KANK1: variants seen among roughly 807,000 people sequenced by gnomAD.
The protein encoded by KANK1 is KN motif and ankyrin repeat domain-containing protein 1.
Under a neutral mutation model 106.2 loss-of-function variants are expected in KANK1, and 109 were observed. The ratio of observed to expected loss-of-function variants is 1.03; its 90% confidence interval spans 0.88 to 1.20. KANK1 has a LOEUF of 1.20. Ranked by LOEUF, KANK1 falls within the 50% of genes most tolerant of loss-of-function variation. KANK1 has a pLI of 0.00. For missense variants in KANK1, 2,399 were observed against 1,710.7 expected (o/e 1.40, Z -7.10); for synonymous variants, 873 against 652.2 (o/e 1.34, Z -5.16).
chr9:630,294 G>A (rs1311387780), intron 1 of KANK1, among the ~76,000 whole-genome samples: 6 of 152,010 alleles, frequency 3.9e-5, no homozygotes, highest in Admixed American at 1.3e-4. Flanking sequence ...GGTGGCTCAC[G>A]CCTGTAATCC....
At chr9:498,724 A>G (rs1021521786) in intron 3 of KANK1, among the ~76,000 whole-genome samples, 1 of 152,244 alleles carries the variant, frequency 6.6e-6, no homozygotes, top group African/African-American at 2.4e-5. Flanking sequence ...AGCCACAGTG[A>G]GATACTACTT....
chr9:515,344 C>CA (rs1305073521), intron 1 of KANK1, among the ~76,000 whole-genome samples: 3,872 of 85,508 alleles, frequency 0.045, 195 homozygotes, highest in African/African-American at 0.13. Flanking sequence ...GACTCCTTCT[C>CA]AAAAAAAAAA....
intron 1 of KANK1, among the ~76,000 whole-genome samples, chr9:659,723 G>A (rs1229830061): frequency 1.3e-5 from 2 of 151,792 alleles, no homozygotes; most frequent in East Asian, 1.9e-4. Context: ...GTAATGCTAT[G>A]CACTTTCAAA....
At chr9:634,736 C>G (rs114737151) in intron 1 of KANK1, among the ~76,000 whole-genome samples, 1,525 of 152,308 alleles carry the variant, frequency 0.01, 34 homozygotes, top group African/African-American at 0.034. Context: ...CAGGAATGAA[C>G]CAGCCTGTGA....
chr9:730,672 G>A (rs1423818809), intron 4 of KANK1: 5 of 192,938 alleles, frequency 2.6e-5, no homozygotes, highest in Admixed American at 5.5e-5. Flanking sequence ...CAGCCTGGGT[G>A]ACAGAAAGAG....
intron 2 of KANK1, among the ~76,000 whole-genome samples, chr9:681,580 G>A (rs969711244): frequency 7.9e-5 from 12 of 152,282 alleles, no homozygotes; most frequent in African/African-American, 2.9e-4. Flanking sequence ...TTCACAAGGT[G>A]GTTGTGCAGG....
At chr9:685,830 T>G (rs985922827) in intron 2 of KANK1, among the ~76,000 whole-genome samples, 1 of 152,208 alleles carries the variant, frequency 6.6e-6, no homozygotes, top group African/African-American at 2.4e-5. Flanking sequence ...AATATTTGGT[T>G]TAGTTGATAA....
chr9:665,293 A>G (rs1844315134), intron 1 of KANK1, among the ~76,000 whole-genome samples: 1 of 152,164 alleles, frequency 6.6e-6, no homozygotes, highest in South Asian at 2.1e-4. Flanking sequence ...TAGTTTTATA[A>G]TTTCAGGTGT....
At chr9:564,358 G>T (rs753604221) in intron 1 of KANK1, among the ~76,000 whole-genome samples, 2 of 151,998 alleles carry the variant, frequency 1.3e-5, no homozygotes, top group African/African-American at 4.8e-5. Flanking sequence ...CACCGTGCCC[G>T]GCCAGAATGC....
chr9:599,175 T>G (rs941859082), intron 1 of KANK1, among the ~76,000 whole-genome samples: 4 of 150,772 alleles, frequency 2.7e-5, no homozygotes, highest in Admixed American at 6.6e-5. Context: ...CACACCACCA[T>G]GCTTGACTAA....
rs3028170 is a variant in KANK1 at position 606,142 on chromosome 9, TACACACACACAC to T, written c.-83-70719_-83-70708del. ...TATAGCATTGAATTACACATATTCC[TACACACACACAC>T]ACACACACACACACACACACACACA... On this transcript the variant is annotated intron_variant, in intron 1 of 11. Coordinates refer to ENST00000382297, the MANE Select transcript of KANK1 (RefSeq NM_015158.5). 6.6e-3 allele frequency among the ~76,000 whole-genome samples: 935 copies of T among 141,736 alleles called. 10 individuals are homozygous for T. The highest frequency in any genetic ancestry group is 0.018 in the Middle Eastern group (5 of 280). The allele number at this position is 141,736 out of a possible 152,430, so 93.0% of individuals were successfully genotyped here. A position where few individuals can be genotyped will look rare whatever the true frequency, so the allele number is the denominator to read the frequency against.
chr9:694,858 C>T (rs143378770), intron 2 of KANK1, among the ~76,000 whole-genome samples: 547 of 152,206 alleles, frequency 3.6e-3, no homozygotes, highest in African/African-American at 0.012. Flanking sequence ...CTGAGTGGGA[C>T]GTGCAGAGGG....
intron 3 of KANK1, among the ~76,000 whole-genome samples, chr9:726,306 A>G (rs539505851): frequency 2.6e-5 from 4 of 152,250 alleles, no homozygotes; most frequent in Admixed American, 6.5e-5. Flanking sequence ...GTATCATTAG[A>G]GGGAATAAGC....
At chr9:506,022 T>G (rs1003902896) in intron 1 of KANK1, among the ~76,000 whole-genome samples, 7 of 151,832 alleles carry the variant, frequency 4.6e-5, no homozygotes, top group African/African-American at 1.7e-4. Flanking sequence ...AAAATTGAAG[T>G]GTAATAAACA....
intron 1 of KANK1, among the ~76,000 whole-genome samples, chr9:650,982 T>C (rs946169242): frequency 6.6e-6 from 1 of 152,158 alleles, no homozygotes; most frequent in Non-Finnish European, 1.5e-5. Flanking sequence ...GTTATGTGCC[T>C]TCTCTTTCCA....
chr9:600,403 G>A (rs1044804293), intron 1 of KANK1, among the ~76,000 whole-genome samples: 7 of 151,656 alleles, frequency 4.6e-5, no homozygotes, highest in African/African-American at 1.7e-4. Flanking sequence ...TTCCATTGTA[G>A]CATCACATTG....
chr9:577,350 A>G (rs961518026), intron 1 of KANK1, among the ~76,000 whole-genome samples: 2 of 152,070 alleles, frequency 1.3e-5, no homozygotes, highest in African/African-American at 2.4e-5. Flanking sequence ...TGATTGGTGC[A>G]TTTACAAACC....
At chr9:690,808 T>C (rs1819727016) in intron 2 of KANK1, among the ~76,000 whole-genome samples, 1 of 152,176 alleles carries the variant, frequency 6.6e-6, no homozygotes, top group African/African-American at 2.4e-5. Flanking sequence ...AAAGCCACCA[T>C]CCCAGGGATA....
chr9:742,785 C>T (rs1836019960), intron 10 of KANK1, among the ~76,000 whole-genome samples: 1 of 152,186 alleles, frequency 6.6e-6, no homozygotes. Flanking sequence ...TCATTAGAGG[C>T]TGGGGTTACA....
Sources: allele counts gnomAD v4.1 joint callset (sites outside exome capture counted in the v4.1 genomes callset), GRCh38; gene constraint gnomAD v4.1.1; transcripts MANE v1.5; gene names NCBI Gene and HGNC (gene_info 2026-07-23, HGNC 2026-07-21).